The following POMK variants were observed in gnomAD, a reference collection of about 807,000 sequenced individuals.
POMK encodes the protein protein O-mannose kinase.
Under a neutral mutation model 23.0 loss-of-function variants are expected in POMK, and 19 were observed. That is an observed-to-expected ratio of 0.83 (90% CI 0.58 to 1.21). POMK has a LOEUF of 1.21. POMK is among the 50% of genes most tolerant of loss of function. POMK has a pLI of 0.00. For missense variants in POMK, 410 were observed against 431.3 expected (o/e 0.95, Z 0.44); for synonymous variants, 173 against 171.6 (o/e 1.01, Z -0.06).
chr8:43,094,661 C>G (rs1336988068), intron 1 of POMK, among the ~76,000 whole-genome samples: 1 of 152,206 alleles, frequency 6.6e-6, no homozygotes, highest in Non-Finnish European at 1.5e-5. Flanking sequence ...GAATTCTACT[C>G]TAAACTGTAT....
chr8:43,121,965 G>A lies in POMK; in HGVS notation c.283-142G>A, dbSNP rs374461424. On this transcript the variant is annotated intron_variant, in intron 4 of 4. Transcript: ENST00000331373. ...CGGTCTCTCTTCATAACTAGACGGA[G>A]AGCAACTCTACGATGGGGTCTGCAC... is the stretch of plus-strand genomic sequence containing the variant. 9 of 794,602 alleles carry A rather than the reference G, an allele frequency of 1.1e-5. No individual in the cohort carries two copies. The African/African-American group carries it at 1.5e-4, about 14-fold the overall frequency. 49.2% of individuals were successfully genotyped at this position (794,602 alleles called of 1,614,324 possible).
chr8:43,122,093 T>A lies in POMK; in HGVS notation c.283-14T>A. On this transcript the variant is annotated splice_polypyrimidine_tract_variant and intron_variant, in intron 4 of 4. Coordinates refer to ENST00000331373, the MANE Select transcript of POMK (RefSeq NM_032237.5). Reference sequence around the variant, plus strand: ...GAGAGTTCAGGCCTGATGCTCTCTATGGCTTTGTTGCAGGTCTTTCTGTCT... The same window carrying A: ...GAGAGTTCAGGCCTGATGCTCTCTAAGGCTTTGTTGCAGGTCTTTCTGTCT... 6.2e-7 allele frequency: 1 copy of A among 1,612,422 alleles called. No homozygotes were observed. The highest frequency in any genetic ancestry group is 8.5e-7 in the Non-Finnish European group (1 of 1,179,082).
intron 4 of POMK, among the ~76,000 whole-genome samples, chr8:43,108,147 C>T (rs914850668): frequency 6.6e-6 from 1 of 152,166 alleles, no homozygotes; most frequent in African/African-American, 2.4e-5. Context: ...CCCTAGATAA[C>T]TTGGGGCTCC....
chr8:43,093,843 G>C (rs1008598321), intron 1 of POMK, among the ~76,000 whole-genome samples: 4 of 152,260 alleles, frequency 2.6e-5, no homozygotes, highest in African/African-American at 9.6e-5. Context: ...CCAGCGCTTT[G>C]GGAGGCCGAG....
chr8:43,117,725 G>A (rs1426419863), intron 4 of POMK, among the ~76,000 whole-genome samples: 1 of 152,188 alleles, frequency 6.6e-6, no homozygotes. Context: ...AATTAGAAGA[G>A]TAAGGTATTT....
At chr8:43,101,668 T>C (rs1265272782) in intron 2 of POMK, among the ~76,000 whole-genome samples, 1 of 152,188 alleles carries the variant, frequency 6.6e-6, no homozygotes, top group African/African-American at 2.4e-5. Context: ...CTGAGGTTGC[T>C]TCTGTGTGTC....
At chr8:43,110,290 C>G (rs1416555220) in intron 4 of POMK, among the ~76,000 whole-genome samples, 1 of 152,148 alleles carries the variant, frequency 6.6e-6, no homozygotes, top group Non-Finnish European at 1.5e-5. Flanking sequence ...CAATTACGTA[C>G]CAGGAGTGGA....
intron 1 of POMK, among the ~76,000 whole-genome samples, chr8:43,094,658 A>AC (rs1811296943): frequency 6.6e-6 from 1 of 152,166 alleles, no homozygotes; most frequent in African/African-American, 2.4e-5. Flanking sequence ...ATGGAATTCT[A>AC]CTCTAAACTG....
chr8:43,103,908 G>C (rs1419013714), intron 4 of POMK, 78 bp downstream of exon 4: 2 of 1,422,544 alleles, frequency 1.4e-6, no homozygotes, highest in Non-Finnish European at 2.0e-6. Flanking sequence ...CATCCATGCT[G>C]GCACGGATTA....
chr8:43,105,953 G>C (rs1382170755), intron 4 of POMK, among the ~76,000 whole-genome samples: 1 of 152,222 alleles, frequency 6.6e-6, no homozygotes. Context: ...GAGCCACTTA[G>C]CCTGGCTGTG....
Position 43,122,102 on chromosome 8 carries a change from T to G in POMK, c.283-5T>G. 1.2e-6 allele frequency: 2 copies of G among 1,613,346 alleles called. No individual in the cohort carries two copies. Among genetic ancestry groups the G allele is most frequent in the African/African-American group, 2.7e-5 (2 of 75,064 alleles). ...GGCCTGATGCTCTCTATGGCTTTGT[T>G]GCAGGTCTTTCTGTCTGAGTGGAAG... is the stretch of plus-strand genomic sequence containing the variant. On this transcript the variant is annotated splice_region_variant and splice_polypyrimidine_tract_variant and intron_variant, in intron 4 of 4. Transcript: ENST00000331373.
intron 4 of POMK, 139 bp downstream of exon 4, chr8:43,103,969 AC>A: frequency 1.2e-6 from 1 of 853,328 alleles, no homozygotes; most frequent in Non-Finnish European, 1.9e-6. Context: ...GCATATGTGC[AC>A]CACATTTGCT....
chr8:43,122,861 C>T lies in POMK; in HGVS notation c.1037C>T (p.Ala346Val), dbSNP rs1404290325. ...DTLRDAMMSQ[A>V]REML ...CTTAGAGATGCCATGATGTCTCAGGCAAGAGAGATGCTGTGAAAACCAGTC... is the reference window on the plus strand; with the variant it reads ...CTTAGAGATGCCATGATGTCTCAGGTAAGAGAGATGCTGTGAAAACCAGTC... The change falls in exon 5 of 5, where the codon GCA becomes GTA. Residue 346 changes from alanine (A) to valine (V), a missense_variant. Ala to Val is a moderately conservative substitution (Grantham distance 64). Transcript: ENST00000331373. 2.4e-5 allele frequency: 38 copies of T among 1,609,130 alleles called. No homozygotes were observed. Among genetic ancestry groups the T allele is most frequent in the Non-Finnish European group, 3.1e-5 (37 of 1,178,652 alleles).
intron 4 of POMK, among the ~76,000 whole-genome samples, chr8:43,106,207 T>C (rs182392596): frequency 1.3e-5 from 2 of 152,360 alleles, no homozygotes; most frequent in African/African-American, 4.8e-5. Flanking sequence ...TGAGATGGTA[T>C]CTCATTGTGA....
Position 43,116,438 on chromosome 8 carries a change from C to CT in POMK, c.283-5658dup, listed in dbSNP as rs777613613. On this transcript the variant is annotated intron_variant, in intron 4 of 4. Transcript: ENST00000331373. ...TGCCACCATGCCTGGCTAATTAAAA[C>CT]TTTTTTTTTTTAAAGAGTTGAGATC... Among the ~76,000 whole-genome samples, 386 of 148,148 alleles carry CT rather than the reference C, an allele frequency of 2.6e-3. 1 individual carries two copies. Among genetic ancestry groups the CT allele is most frequent in the Middle Eastern group, 6.9e-3 (2 of 288 alleles).
At chr8:43,106,540 T>C (rs1811547877) in intron 4 of POMK, among the ~76,000 whole-genome samples, 1 of 149,960 alleles carries the variant, frequency 6.7e-6, no homozygotes, top group African/African-American at 2.5e-5. Context: ...GACTGAGTCT[T>C]GCTCTATCGC....
At chr8:43,093,864 C>G (rs1282453346) in intron 1 of POMK, among the ~76,000 whole-genome samples, 1 of 152,230 alleles carries the variant, frequency 6.6e-6, no homozygotes, top group Non-Finnish European at 1.5e-5. Flanking sequence ...GCGGGAGGAT[C>G]GCGTGAGCTC....
intron 1 of POMK, among the ~76,000 whole-genome samples, 162 bp downstream of exon 1, chr8:43,093,725 C>T (rs1046285835): frequency 6.6e-6 from 1 of 152,220 alleles, no homozygotes; most frequent in Non-Finnish European, 1.5e-5. Flanking sequence ...TGGGCCTGAG[C>T]GGCCGTGTCC....
intron 1 of POMK, among the ~76,000 whole-genome samples, chr8:43,095,252 T>A (rs1365403221): frequency 6.6e-6 from 1 of 152,234 alleles, no homozygotes; most frequent in Non-Finnish European, 1.5e-5. Flanking sequence ...GACTCAGTTG[T>A]CTTATCTGTG....
Sources: allele counts gnomAD v4.1 joint callset (sites outside exome capture counted in the v4.1 genomes callset), GRCh38; gene constraint gnomAD v4.1.1; transcripts MANE v1.5; gene names NCBI Gene and HGNC (gene_info 2026-07-23, HGNC 2026-07-21).